The following CFH variants were observed in gnomAD, a reference collection of about 807,000 sequenced individuals.
The protein encoded by CFH is H factor 1 (complement).
Under a neutral mutation model 147.3 loss-of-function variants are expected in CFH, and 53 were observed. The observed-to-expected ratio is 0.36, with a 90% CI of 0.29 to 0.45. CFH has a LOEUF of 0.45. Among genes scored for constraint, CFH ranks in the 20% least tolerant of loss-of-function variants. CFH has a pLI of 1.00. For missense variants in CFH, 1,380 were observed against 1,498.0 expected, an observed-to-expected ratio of 0.92 and a Z score of 1.30; for synonymous variants, 536 against 489.4, an observed-to-expected ratio of 1.10 and a Z score of -1.26.
At chr1:196,742,365 G>A (rs917998490) in intron 19 of CFH, among the ~76,000 whole-genome samples, 1 of 152,158 alleles carries the variant, frequency 6.6e-6, no homozygotes, top group Non-Finnish European at 1.5e-5. Flanking sequence ...GACAGAGTGA[G>A]ATTCCGTCTC....
chr1:196,679,880 A>G (rs979496470), intron 6 of CFH, 87 bp downstream of exon 6: 1 of 1,175,002 alleles, frequency 8.5e-7, no homozygotes, highest in Non-Finnish European at 1.2e-6. Context: ...TTTTAATCAA[A>G]AGTAGAGTGC....
At chr1:196,721,121 T>G (rs1668988630) in intron 11 of CFH, among the ~76,000 whole-genome samples, 1 of 151,850 alleles carries the variant, frequency 6.6e-6, no homozygotes. Flanking sequence ...TATCTCTTCA[T>G]ATCCTTTGTC....
intron 5 of CFH, chr1:196,678,306 T>C (rs952286697): frequency 6.5e-6 from 1 of 153,294 alleles, no homozygotes; most frequent in Admixed American, 6.5e-5. Context: ...TTAGTCATAA[T>C]ACTGCCAACC....
chr1:196,715,392 A>C (rs1049820957), intron 10 of CFH, among the ~76,000 whole-genome samples: 1 of 152,116 alleles, frequency 6.6e-6, no homozygotes, highest in Non-Finnish European at 1.5e-5. Flanking sequence ...CAATGAAAAA[A>C]AATGTTGTGT....
At chr1:196,679,343 A>G in intron 5 of CFH, 1 of 244,048 alleles carries the variant, frequency 4.1e-6, no homozygotes. Flanking sequence ...TATATTTATG[A>G]TCAATTTTAT....
At chr1:196,676,204 T>G in intron 4 of CFH, 139 bp downstream of exon 4, 1 of 538,208 alleles carries the variant, frequency 1.9e-6, no homozygotes, top group East Asian at 3.2e-5. Flanking sequence ...AGAGTGGGAA[T>G]CTAGTCTTTT....
intron 12 of CFH, among the ~76,000 whole-genome samples, chr1:196,725,713 AC>A (rs1377078267): frequency 6.6e-6 from 1 of 152,190 alleles, no homozygotes; most frequent in African/African-American, 2.4e-5. Flanking sequence ...TCCAGAGAAC[AC>A]ATGATGAGAG....
At chr1:196,675,366 C>T (rs775696070) in intron 3 of CFH, among the ~76,000 whole-genome samples, 2 of 152,014 alleles carry the variant, frequency 1.3e-5, no homozygotes, top group Admixed American at 6.6e-5. Flanking sequence ...AAAATCTCTA[C>T]GATAGAGATG....
intron 1 of CFH, among the ~76,000 whole-genome samples, chr1:196,669,371 T>A (rs1667200535): frequency 2.0e-5 from 3 of 152,122 alleles, no homozygotes; most frequent in African/African-American, 7.2e-5. Context: ...GGGAAAAATG[T>A]CTCCAGGGAA....
At chr1:196,735,987 G>A (rs1034041320) in intron 15 of CFH, among the ~76,000 whole-genome samples, 3 of 151,924 alleles carry the variant, frequency 2.0e-5, no homozygotes, top group Non-Finnish European at 4.4e-5. Context: ...ACTATGATAG[G>A]AGAAAGGAAA....
intron 7 of CFH, among the ~76,000 whole-genome samples, chr1:196,687,827 A>C (rs541009311): frequency 6.6e-6 from 1 of 152,164 alleles, no homozygotes; most frequent in Non-Finnish European, 1.5e-5. Flanking sequence ...CAACACTGGG[A>C]GCTTCAGATA....
chr1:196,659,656 G>T (rs758950063), intron 1 of CFH, among the ~76,000 whole-genome samples: 1 of 152,116 alleles, frequency 6.6e-6, no homozygotes, highest in Non-Finnish European at 1.5e-5. Context: ...CGGTTGTTGG[G>T]TCATTGCTGT....
chr1:196,725,345 T>C, intron 12 of CFH, 48 bp downstream of exon 12: 1 of 1,573,632 alleles, frequency 6.4e-7, no homozygotes, highest in Non-Finnish European at 8.7e-7. Flanking sequence ...GAACTTTGAA[T>C]ACCAACTTTT....
At chr1:196,703,405 G>A (rs578196038) in intron 9 of CFH, among the ~76,000 whole-genome samples, 1 of 152,306 alleles carries the variant, frequency 6.6e-6, no homozygotes, top group African/African-American at 2.4e-5. Flanking sequence ...TAGCTGGGGA[G>A]CTTGAGAGAG....
At chr1:196,703,698 T>C (rs1158295396) in intron 9 of CFH, among the ~76,000 whole-genome samples, 1 of 151,860 alleles carries the variant, frequency 6.6e-6, no homozygotes, top group Non-Finnish European at 1.5e-5. Context: ...TAAAGCACAG[T>C]TTTTTGCTGG....
rs553876480 is a variant in CFH, at chr1:196,717,362, G to T, written c.1696+1593G>T. Among the ~76,000 whole-genome samples, 84 of 152,106 alleles carry T rather than the reference G, an allele frequency of 5.5e-4. 2 individuals are homozygous for T. In the South Asian group the frequency reaches 0.017, roughly 31 times the overall value. On this transcript the variant is annotated intron_variant, in intron 11 of 21. Coordinates refer to ENST00000367429, the MANE Select transcript of CFH (RefSeq NM_000186.4). ...ACTAAAATATTTATAAATATTTATT[G>T]CCATAGTGCCTTATATAATAAAGTC...
chr1:196,664,259 C>T (rs994515052), intron 1 of CFH, among the ~76,000 whole-genome samples: 7 of 151,984 alleles, frequency 4.6e-5, no homozygotes, highest in Non-Finnish European at 1.0e-4. Flanking sequence ...TGGGATCTTG[C>T]TATATTGCCC....
chr1:196,671,823 TTA>T (rs930883260), intron 1 of CFH, among the ~76,000 whole-genome samples: 2 of 149,278 alleles, frequency 1.3e-5, no homozygotes. Context: ...GACTCTGTTC[TTA>T]TATATATATA....
chr1:196,735,550 A>G (rs796765307), intron 15 of CFH, among the ~76,000 whole-genome samples: 1 of 152,148 alleles, frequency 6.6e-6, no homozygotes, highest in Middle Eastern at 3.4e-3. Context: ...ATTAAAATCA[A>G]TGGGATACAG....
Sources: gnomAD v4.1 joint callset for allele counts (sites outside exome capture counted in the v4.1 genomes callset) on GRCh38, gnomAD v4.1.1 for gene constraint, MANE v1.5 for transcripts, NCBI Gene and HGNC (gene_info 2026-07-23, HGNC 2026-07-21) for gene names.